Variants in TM9SF4 observed in about 807,000 individuals in gnomAD.
The protein encoded by TM9SF4 is transmembrane 9 superfamily member 4.
Under a neutral mutation model 90.4 loss-of-function variants are expected in TM9SF4, and 26 were observed. The observed-to-expected ratio is 0.29, with a 90% CI of 0.21 to 0.40. TM9SF4 has a LOEUF of 0.40. Among genes scored for constraint, TM9SF4 ranks in the 10% least tolerant of loss-of-function variants. TM9SF4 has a pLI of 1.00. For missense variants in TM9SF4, 549 were observed against 834.8 expected, an observed-to-expected ratio of 0.66 and a Z score of 4.22; for synonymous variants, 293 against 315.4, an observed-to-expected ratio of 0.93 and a Z score of 0.75.
chr20:32,163,102 C>T (rs989339078), intron 17 of TM9SF4, among the ~76,000 whole-genome samples: 7 of 151,474 alleles, frequency 4.6e-5, no homozygotes, highest in African/African-American at 1.2e-4. Context: ...AAAAATTAGC[C>T]GGGCGTGGTG....
At chr20:32,132,695 T>C (rs971326569) in intron 1 of TM9SF4, among the ~76,000 whole-genome samples, 3 of 152,342 alleles carry the variant, frequency 2.0e-5, no homozygotes, top group East Asian at 1.9e-4. Context: ...TCCTGCCAGC[T>C]ATCCTGGGAG....
chr20:32,141,549 G>A lies in TM9SF4; in HGVS notation c.282G>A (p.Met94Ile). 1.2e-6 allele frequency: 2 copies of A among 1,614,130 alleles called. No homozygotes were observed. The highest frequency in any genetic ancestry group is 2.2e-5 in the East Asian group (1 of 44,882). The change falls in exon 4 of 18, where the codon ATG becomes ATA. Residue 94 changes from methionine to isoleucine, a missense_variant. Transcript: ENST00000398022. ...RIVNTPFQVL[M>I]NSEKKCEVLC... ...TCAACACCCCTTTCCAGGTTCTCATGAACAGCGAGAAGAAGTGTGAAGTTC... is the reference window on the plus strand; with the variant it reads ...TCAACACCCCTTTCCAGGTTCTCATAAACAGCGAGAAGAAGTGTGAAGTTC...
At chr20:32,122,769 C>T (rs1045152915) in intron 1 of TM9SF4, among the ~76,000 whole-genome samples, 3 of 152,106 alleles carry the variant, frequency 2.0e-5, no homozygotes, top group East Asian at 1.9e-4. Flanking sequence ...GACGGGGTGG[C>T]GGCTGGGCAG....
At chr20:32,126,535 C>T (rs2046425006) in intron 1 of TM9SF4, among the ~76,000 whole-genome samples, 1 of 152,086 alleles carries the variant, frequency 6.6e-6, no homozygotes, top group African/African-American at 2.4e-5. Flanking sequence ...GGGTATATTG[C>T]TGCTCCCATG....
chr20:32,129,986 T>C (rs1224172945), intron 1 of TM9SF4, among the ~76,000 whole-genome samples: 2 of 152,210 alleles, frequency 1.3e-5, no homozygotes, highest in African/African-American at 2.4e-5. Context: ...AGAAGCAGAA[T>C]TACAGAGTCA....
chr20:32,118,503 A>G (rs2046257918), intron 1 of TM9SF4, among the ~76,000 whole-genome samples: 1 of 122,172 alleles, frequency 8.2e-6, no homozygotes, highest in South Asian at 2.7e-4. Flanking sequence ...ATCATAGCTC[A>G]CTCTAACTGC....
chr20:32,133,041 T>C lies in TM9SF4; in HGVS notation c.44T>C (p.Phe15Ser). Residue 15 changes from phenylalanine to serine, a missense_variant, in exon 2 of 18, where the codon TTC (phenylalanine) becomes TCC (serine). Transcript: ENST00000398022. The part of the protein sequence containing the change: ...MDWLPWSLLL[F>S]SLMCETSAFY... ...TGGTTGCCGTGGTCTTTACTGCTTT[T>C]CTCCCTGATGTGTGAAACAAGCGCC... 1 of 1,614,166 alleles carries C rather than the reference T, an allele frequency of 6.2e-7. No individual in the cohort carries two copies. Among genetic ancestry groups the C allele is most frequent in the Non-Finnish European group, 8.5e-7 (1 of 1,180,024 alleles).
chr20:32,155,294 TC>T, intron 13 of TM9SF4, 108 bp downstream of exon 13: 1 of 957,770 alleles, frequency 1.0e-6, no homozygotes, highest in Non-Finnish European at 1.7e-6. Flanking sequence ...CTTTTCTGAG[TC>T]CCCAGAGTTA....
intron 17 of TM9SF4, among the ~76,000 whole-genome samples, chr20:32,162,393 T>C (rs1276776053): frequency 6.6e-6 from 1 of 152,198 alleles, no homozygotes; most frequent in Non-Finnish European, 1.5e-5. Flanking sequence ...TCTCAACAGA[T>C]GATTCTCTAG....
intron 2 of TM9SF4, 117 bp downstream of exon 2, chr20:32,133,243 C>T: frequency 3.6e-6 from 3 of 838,056 alleles, no homozygotes; most frequent in Non-Finnish European, 5.4e-6. Flanking sequence ...TGCCAGTTAC[C>T]CCGGAACTCT....
At chr20:32,135,924 T>C in intron 2 of TM9SF4, 150 bp from the exon 3 acceptor site, 1 of 606,754 alleles carries the variant, frequency 1.6e-6, no homozygotes, top group Admixed American at 3.2e-5. Flanking sequence ...TGTGAAATAA[T>C]TCAGAATTGT....
chr20:32,147,120 C>A (rs145557011), intron 9 of TM9SF4, among the ~76,000 whole-genome samples: 57 of 151,976 alleles, frequency 3.8e-4, no homozygotes, highest in African/African-American at 1.3e-3. Flanking sequence ...GCTGAGACTA[C>A]AGGCACGCAC....
intron 1 of TM9SF4, among the ~76,000 whole-genome samples, chr20:32,121,452 G>A (rs542166033): frequency 2.0e-5 from 3 of 151,924 alleles, no homozygotes; most frequent in Non-Finnish European, 2.9e-5. Flanking sequence ...AGCACATCTT[G>A]CACCGCCCTT....
At chr20:32,146,231 G>T (rs571940075) in intron 8 of TM9SF4, among the ~76,000 whole-genome samples, 1 of 152,172 alleles carries the variant, frequency 6.6e-6, no homozygotes, top group Non-Finnish European at 1.5e-5. Flanking sequence ...AACCACTACA[G>T]TGCTGCCTAG....
rs983885653 is a variant in TM9SF4 at position 32,125,449 on chromosome 20, G to A, written c.16-7564G>A. 7.2e-5 allele frequency among the ~76,000 whole-genome samples: 11 copies of A among 152,154 alleles called. 1 individual carries two copies. Among genetic ancestry groups the A allele is most frequent in the Admixed American group, 5.9e-4 (9 of 15,274 alleles). ...GCCCTCAAAGCCTGTGCTTTTTCCA[G>A]TACACCAGTGGTTTTCAAAGTGTGA... On this transcript the variant is annotated intron_variant, in intron 1 of 17. Coordinates refer to ENST00000398022, the MANE Select transcript of TM9SF4 (RefSeq NM_014742.4).
chr20:32,155,712 G>C (rs1433819032), intron 13 of TM9SF4, among the ~76,000 whole-genome samples: 1 of 152,210 alleles, frequency 6.6e-6, no homozygotes, highest in Non-Finnish European at 1.5e-5. Flanking sequence ...GTTGTGGGGA[G>C]GGGGAGTGGG....
Position 32,161,377 on chromosome 20 carries a change from C to G in TM9SF4, c.1779+12C>G. Reference sequence around the variant, plus strand: ...ATTTCGTTAACAAGGTACTGCCCTCCTTGAGGAGGTCCTCTTAGTCCTCAT... The same window carrying G: ...ATTTCGTTAACAAGGTACTGCCCTCGTTGAGGAGGTCCTCTTAGTCCTCAT... On this transcript the variant is annotated intron_variant, in intron 17 of 17. Transcript: ENST00000398022. 1 of 1,612,276 alleles carries G rather than the reference C, an allele frequency of 6.2e-7. No homozygotes were observed. Among genetic ancestry groups the G allele is most frequent in the Non-Finnish European group, 8.5e-7 (1 of 1,178,538 alleles).
At chr20:32,140,853 T>C (rs910543056) in intron 3 of TM9SF4, among the ~76,000 whole-genome samples, 3 of 151,624 alleles carry the variant, frequency 2.0e-5, no homozygotes, top group South Asian at 2.1e-4. Context: ...AAACTGGGCT[T>C]CTGGGGAGGC....
At chr20:32,158,854 C>T (rs186533095) in intron 15 of TM9SF4, among the ~76,000 whole-genome samples, 3 of 152,100 alleles carry the variant, frequency 2.0e-5, no homozygotes, top group Non-Finnish European at 2.9e-5. Context: ...TGGTGGCACA[C>T]GCCTGTAGTC....
Sources: allele counts gnomAD v4.1 joint callset (sites outside exome capture counted in the v4.1 genomes callset), GRCh38; gene constraint gnomAD v4.1.1; transcripts MANE v1.5; gene names NCBI Gene and HGNC (gene_info 2026-07-23, HGNC 2026-07-21).